Variants in LTBP1 observed in about 807,000 individuals in gnomAD.
The protein encoded by LTBP1 is latent-transforming growth factor beta-binding protein 1.
LTBP1 carries 129 observed loss-of-function variants against 207.6 expected under a neutral mutation model. The ratio of observed to expected loss-of-function variants is 0.62; its 90% CI spans 0.54 to 0.72. The LOEUF is 0.72. LTBP1 is among the 30% of genes least tolerant of loss of function. The pLI is 0.00. For missense variants in LTBP1, 2,281 were observed against 2,217.2 expected (o/e 1.03, Z -0.58); for synonymous variants, 963 against 833.7 (o/e 1.16, Z -2.67).
At chr2:33,173,811 T>A (rs1473287545) in intron 5 of LTBP1, among the ~76,000 whole-genome samples, 1 of 144,578 alleles carries the variant, frequency 6.9e-6, no homozygotes, top group African/African-American at 2.5e-5. Context: ...TCCACCATGA[T>A]CAAGGGGGCT....
chr2:33,306,360 A>T (rs1439891604), intron 22 of LTBP1, among the ~76,000 whole-genome samples: 4 of 151,290 alleles, frequency 2.6e-5, no homozygotes, highest in Non-Finnish European at 5.9e-5. Flanking sequence ...ACTTGAGGTC[A>T]GGAGTTCGAG....
intron 3 of LTBP1, among the ~76,000 whole-genome samples, chr2:33,034,174 T>C (rs1445852468): frequency 1.3e-5 from 2 of 150,528 alleles, no homozygotes; most frequent in East Asian, 3.9e-4. Context: ...ATGGCATGGA[T>C]ACGCAAATCT....
intron 5 of LTBP1, among the ~76,000 whole-genome samples, chr2:33,182,297 G>C (rs907090163): frequency 6.6e-6 from 1 of 152,102 alleles, no homozygotes; most frequent in Non-Finnish European, 1.5e-5. Flanking sequence ...GTTCATGATA[G>C]AGTTCAAAGT....
At chr2:33,043,522 C>T (rs1014768790) in intron 3 of LTBP1, among the ~76,000 whole-genome samples, 3 of 152,042 alleles carry the variant, frequency 2.0e-5, no homozygotes, top group Admixed American at 6.5e-5. Flanking sequence ...GAGCCACGTG[C>T]GCAGACCATG....
intron 7 of LTBP1, among the ~76,000 whole-genome samples, chr2:33,196,722 G>A (rs562678385): frequency 6.6e-6 from 1 of 152,170 alleles, no homozygotes; most frequent in South Asian, 2.1e-4. Context: ...TTAGCAGGGA[G>A]GATTGTGAGA....
intron 32 of LTBP1, among the ~76,000 whole-genome samples, chr2:33,392,155 C>G (rs530463384): frequency 6.6e-6 from 1 of 151,068 alleles, no homozygotes; most frequent in Non-Finnish European, 1.5e-5. Flanking sequence ...AATAGGCAAA[C>G]ATTTGCCCTT....
intron 2 of LTBP1, among the ~76,000 whole-genome samples, chr2:32,992,879 G>A (rs1684637449): frequency 6.6e-6 from 1 of 152,132 alleles, no homozygotes; most frequent in Admixed American, 6.6e-5. Context: ...AGTGGGAGTA[G>A]GGAGTGGGAA....
chr2:33,307,820 G>A (rs934408353), intron 22 of LTBP1, among the ~76,000 whole-genome samples: 1 of 152,158 alleles, frequency 6.6e-6, no homozygotes, highest in African/African-American at 2.4e-5. Context: ...TTATAATAAC[G>A]TGGTTTTATT....
intron 7 of LTBP1, among the ~76,000 whole-genome samples, chr2:33,201,544 G>T (rs2089272863): frequency 6.6e-6 from 1 of 151,642 alleles, no homozygotes; most frequent in Non-Finnish European, 1.5e-5. Flanking sequence ...CGAGTTAATG[G>T]GTGCAGCACA....
In LTBP1 at chr2:33,397,212, G is replaced by A. The variant is rs763602663; in HGVS notation, c.4914G>A (p.Arg1638=). The A allele has an allele frequency of 1.2e-6, 2 of 1,614,136 alleles. No individual in the cohort carries two copies. The change falls in exon 33 of 34, where the codon AGG becomes AGA. Residue 1638 remains arginine, a synonymous_variant. Coordinates refer to ENST00000404816, the MANE Select transcript of LTBP1 (RefSeq NM_206943.4). ...LNGCENGRCV[R]VQEGYTCDCF... ...GATGTGAAAATGGTCGCTGTGTGAG[G>A]GTCCAGGAAGGTTACACCTGCGATT...
In LTBP1 at chr2:32,947,368, G is replaced by A; in HGVS notation, c.44G>A (p.Gly15Glu). 7.4e-7 allele frequency: 1 copy of A among 1,352,520 alleles called. No individual in the cohort carries two copies. Among genetic ancestry groups the A allele is most frequent in the Non-Finnish European group, 9.5e-7 (1 of 1,054,062 alleles). The allele number at this position is 1,352,520 out of a possible 1,614,324, so 83.8% of individuals were successfully genotyped here. ...AGGTGGGGGCTCCTGCTCTGGGCAG[G>A]GCTCCTCGCGTCCTCGGCGCACGGC... ...WLRWGLLLWAGLLASSAHGRL... is the reference protein window; with the variant it reads ...WLRWGLLLWAELLASSAHGRL... Residue 15 changes from glycine to glutamate, a missense_variant, in exon 1 of 34, where the codon GGG (glycine) becomes GAG (glutamate). Gly to Glu is a moderately conservative substitution (Grantham distance 98). Transcript: ENST00000404816.
intron 24 of LTBP1, among the ~76,000 whole-genome samples, chr2:33,318,106 T>C (rs1165104422): frequency 2.6e-5 from 4 of 152,064 alleles, no homozygotes; most frequent in Non-Finnish European, 5.9e-5. Context: ...GCTCAACAGG[T>C]AAGAATAATG....
intron 5 of LTBP1, among the ~76,000 whole-genome samples, chr2:33,161,738 A>G (rs1403361741): frequency 6.6e-6 from 1 of 152,268 alleles, no homozygotes; most frequent in Non-Finnish European, 1.5e-5. Context: ...ATTAACAAAG[A>G]AAGTAGAAAC....
chr2:33,396,877 T>C (rs2095363418), intron 32 of LTBP1, among the ~76,000 whole-genome samples: 1 of 152,230 alleles, frequency 6.6e-6, no homozygotes, highest in African/African-American at 2.4e-5. Context: ...ATACTTGCTT[T>C]CTCGTTTTAT....
At chr2:32,966,673 T>C (rs1451106110) in intron 2 of LTBP1, among the ~76,000 whole-genome samples, 1 of 152,184 alleles carries the variant, frequency 6.6e-6, no homozygotes, top group East Asian at 1.9e-4. Context: ...GTTGATGTGA[T>C]GGATTATGTT....
At chr2:33,292,593 G>A (rs932442124) in intron 19 of LTBP1, among the ~76,000 whole-genome samples, 1 of 152,292 alleles carries the variant, frequency 6.6e-6, no homozygotes, top group Non-Finnish European at 1.5e-5. Context: ...CCTCTTCAGC[G>A]TGTGCCCTAC....
intron 12 of LTBP1, among the ~76,000 whole-genome samples, chr2:33,258,730 A>G (rs1410403804): frequency 6.6e-6 from 1 of 152,156 alleles, no homozygotes; most frequent in African/African-American, 2.4e-5. Flanking sequence ...ACTTTCTCCA[A>G]CCCCAAGAAT....
intron 2 of LTBP1, 131 bp from the exon 3 acceptor site, chr2:33,020,778 C>T: frequency 1.2e-6 from 1 of 847,134 alleles, no homozygotes; most frequent in Non-Finnish European, 1.8e-6. Context: ...GCCCCACCTT[C>T]CTCCTTATGA....
chr2:33,154,216 A>G (rs892347552), intron 5 of LTBP1, among the ~76,000 whole-genome samples: 2 of 152,030 alleles, frequency 1.3e-5, no homozygotes, highest in Non-Finnish European at 2.9e-5. Context: ...GATTTTTTTT[A>G]AGTTGATCTG....
Sources: allele counts gnomAD v4.1 joint callset (sites outside exome capture counted in the v4.1 genomes callset), GRCh38; gene constraint gnomAD v4.1.1; transcripts MANE v1.5; gene names NCBI Gene and HGNC (gene_info 2026-07-23, HGNC 2026-07-21).